The following FER variants were observed in gnomAD, a reference collection of about 807,000 sequenced individuals.
The protein encoded by FER is tyrosine-protein kinase Fer.
A neutral mutation model predicts 111.0 loss-of-function variants in FER; 63 were observed. The ratio of observed to expected loss-of-function variants is 0.57; its 90% CI spans 0.46 to 0.70. The LOEUF is 0.70. Ranked by LOEUF, FER falls within the 30% of genes least tolerant of loss-of-function variation. The pLI is 0.00. For missense variants in FER, 914 were observed against 954.0 expected (o/e 0.96, Z 0.55); for synonymous variants, 327 against 313.9 (o/e 1.04, Z -0.44).
chr5:108,998,880 G>T (rs924695424), intron 13 of FER, among the ~76,000 whole-genome samples: 1 of 151,858 alleles, frequency 6.6e-6, no homozygotes, highest in African/African-American at 2.4e-5. Context: ...GAGGATTTTT[G>T]CCTCGATGTT....
intron 13 of FER, among the ~76,000 whole-genome samples, chr5:109,001,257 C>A (rs1764725884): frequency 6.6e-6 from 1 of 152,204 alleles, no homozygotes; most frequent in Admixed American, 6.5e-5. Flanking sequence ...AAACTGAATC[C>A]AGCAGCACAT....
At chr5:109,079,099 A>G (rs910236300) in intron 16 of FER, among the ~76,000 whole-genome samples, 1 of 151,888 alleles carries the variant, frequency 6.6e-6, no homozygotes, top group African/African-American at 2.4e-5. Flanking sequence ...ATTTGTATAC[A>G]TTCTCCTTGT....
At chr5:108,789,532 A>G (rs1755113544) in intron 2 of FER, among the ~76,000 whole-genome samples, 1 of 152,168 alleles carries the variant, frequency 6.6e-6, no homozygotes, top group African/African-American at 2.4e-5. Flanking sequence ...ATTAACTTGC[A>G]GTAATATTTG....
At chr5:109,104,213 G>A (rs1199506340) in intron 17 of FER, among the ~76,000 whole-genome samples, 1 of 152,140 alleles carries the variant, frequency 6.6e-6, no homozygotes, top group African/African-American at 2.4e-5. Flanking sequence ...AAGTATATTA[G>A]ACCACATTTA....
intron 17 of FER, among the ~76,000 whole-genome samples, chr5:109,151,753 G>A (rs547387569): frequency 1.3e-5 from 2 of 152,194 alleles, no homozygotes; most frequent in East Asian, 3.9e-4. Flanking sequence ...TCATGTTTTA[G>A]AAACAGTCCA....
At chr5:108,892,496 C>T (rs1305379297) in intron 9 of FER, among the ~76,000 whole-genome samples, 2 of 152,088 alleles carry the variant, frequency 1.3e-5, no homozygotes, top group Non-Finnish European at 1.5e-5. Flanking sequence ...TATCCTTCAC[C>T]CCCTTTTTGA....
chr5:108,833,070 TA>T, intron 4 of FER, 127 bp downstream of exon 4: 3 of 693,000 alleles, frequency 4.3e-6, no homozygotes, highest in Non-Finnish European at 7.0e-6. Context: ...TTATGGTCTC[TA>T]ATAAGTAATA....
chr5:108,917,937 CATTT>C (rs1457363683), intron 10 of FER, among the ~76,000 whole-genome samples: 1 of 152,090 alleles, frequency 6.6e-6, no homozygotes, highest in African/African-American at 2.4e-5. Context: ...TTCATTTACT[CATTT>C]ATTTATTTCC....
chr5:108,915,701 T>G (rs764030737), intron 10 of FER, among the ~76,000 whole-genome samples: 4 of 151,486 alleles, frequency 2.6e-5, no homozygotes, highest in Non-Finnish European at 2.9e-5. Context: ...AAGGAAGAAT[T>G]AAGAAAGAGG....
intron 16 of FER, among the ~76,000 whole-genome samples, chr5:109,096,224 A>G (rs747804757): frequency 2.0e-5 from 3 of 152,022 alleles, no homozygotes; most frequent in Non-Finnish European, 4.4e-5. Context: ...ATAGCCACCT[A>G]TCATCTCATT....
chr5:108,849,080 A>T (rs1263032956), intron 5 of FER, among the ~76,000 whole-genome samples: 1 of 151,944 alleles, frequency 6.6e-6, no homozygotes, highest in East Asian at 1.9e-4. Flanking sequence ...TTTTCCTTTT[A>T]TCATTAGTTT....
At chr5:109,003,015 G>A (rs1318411082) in intron 13 of FER, among the ~76,000 whole-genome samples, 4 of 152,122 alleles carry the variant, frequency 2.6e-5, no homozygotes, top group South Asian at 2.1e-4. Flanking sequence ...TTACACTGTT[G>A]GTGGGACTGT....
rs749730874 is a variant in FER, at chr5:109,034,790, A to G, written c.1657-2632A>G. Among the ~76,000 whole-genome samples the G allele has an allele frequency of 5.3e-5, 8 of 152,134 alleles. No homozygotes were observed. The South Asian group carries it at 1.7e-3, about 32-fold the overall frequency. ...ATTGTCTAAAGTGGAAAAGCTGTCC[A>G]AGAATCAGTTTGCAACTTTAAAATA... On this transcript the variant is annotated intron_variant, in intron 13 of 19. Transcript: ENST00000281092.
intron 13 of FER, among the ~76,000 whole-genome samples, chr5:108,966,302 C>T (rs1278196065): frequency 6.6e-6 from 1 of 151,670 alleles, no homozygotes; most frequent in East Asian, 1.9e-4. Flanking sequence ...AATTGAAAGG[C>T]AGGATTTGAT....
chr5:108,809,802 A>T (rs1757563642), intron 3 of FER, among the ~76,000 whole-genome samples: 1 of 152,082 alleles, frequency 6.6e-6, no homozygotes, highest in Non-Finnish European at 1.5e-5. Flanking sequence ...GGCTCAAGTG[A>T]TCCTCCTGCC....
intron 17 of FER, among the ~76,000 whole-genome samples, chr5:109,120,889 T>C (rs1582122358): frequency 6.6e-6 from 1 of 152,296 alleles, no homozygotes; most frequent in Middle Eastern, 3.4e-3. Context: ...GATTTCTTTT[T>C]CAACTTGTTT....
intron 5 of FER, among the ~76,000 whole-genome samples, chr5:108,859,968 GTCTC>G (rs1299700317): frequency 8.0e-6 from 1 of 125,328 alleles, no homozygotes; most frequent in Non-Finnish European, 1.7e-5. Flanking sequence ...TTGAGATGGA[GTCTC>G]TCTCTGTCGC....
At chr5:109,081,168 T>C (rs1182281225) in intron 16 of FER, among the ~76,000 whole-genome samples, 1 of 152,058 alleles carries the variant, frequency 6.6e-6, no homozygotes, top group Admixed American at 6.6e-5. Context: ...CTACAACTAA[T>C]TGCTTGTAAA....
At chr5:108,913,485 T>C (rs960923078) in intron 10 of FER, among the ~76,000 whole-genome samples, 1 of 152,208 alleles carries the variant, frequency 6.6e-6, no homozygotes, top group African/African-American at 2.4e-5. Flanking sequence ...CTATCATTTA[T>C]AGATAGGCAA....
Sources: allele counts gnomAD v4.1 joint callset (sites outside exome capture counted in the v4.1 genomes callset), GRCh38; gene constraint gnomAD v4.1.1; transcripts MANE v1.5; gene names NCBI Gene and HGNC (gene_info 2026-07-23, HGNC 2026-07-21).